AGMO: variants seen among roughly 807,000 people sequenced by gnomAD.
The protein encoded by AGMO is alkylglycerol monooxygenase, also known as glyceryl-ether monooxygenase.
Under a neutral mutation model 60.2 loss-of-function variants are expected in AGMO, and 75 were observed. The observed-to-expected ratio is 1.25, with a 90% CI of 1.03 to 1.51. The LOEUF (loss-of-function observed/expected upper bound fraction) is 1.51. Among genes scored for constraint, AGMO ranks in the 40% most tolerant of loss-of-function variants. The pLI is 0.00. For synonymous variants in AGMO, 261 were observed against 177.1 expected, an observed-to-expected ratio of 1.47 and a Z score of -3.76; for missense variants, 763 against 525.5, an observed-to-expected ratio of 1.45 and a Z score of -4.42.
intron 12 of AGMO, among the ~76,000 whole-genome samples, chr7:15,353,033 G>C (rs544386068): frequency 6.6e-6 from 1 of 152,162 alleles, no homozygotes; most frequent in Admixed American, 6.5e-5. Flanking sequence ...TCAGACGAAA[G>C]GAGGTGAAAC....
At chr7:15,126,134 CA>C in the AGMO span, among the ~76,000 whole-genome samples, 1 of 152,090 alleles carries the variant, frequency 6.6e-6, no homozygotes, top group African/African-American at 2.4e-5. Context: ...ATAGAAACTA[CA>C]CTCAGTTTGA....
chr7:15,125,394 G>A, the AGMO span, among the ~76,000 whole-genome samples: 1 of 152,086 alleles, frequency 6.6e-6, no homozygotes, highest in Admixed American at 6.6e-5. Context: ...CTTCTACTCA[G>A]ACTACTACCA....
chr7:15,156,495 T>C, the AGMO span, among the ~76,000 whole-genome samples: 2 of 152,174 alleles, frequency 1.3e-5, no homozygotes, highest in East Asian at 3.9e-4. Context: ...CTGGGCTTAA[T>C]GCAGGCTGGA....
At chr7:15,153,726 T>G in the AGMO span, among the ~76,000 whole-genome samples, 3 of 152,196 alleles carry the variant, frequency 2.0e-5, no homozygotes, top group Non-Finnish European at 4.4e-5. Flanking sequence ...ACCATGCTGT[T>G]TTGGTGACTA....
intron 12 of AGMO, among the ~76,000 whole-genome samples, chr7:15,252,562 TGAA>T (rs1234302526): frequency 6.6e-6 from 1 of 152,164 alleles, no homozygotes; most frequent in Non-Finnish European, 1.5e-5. Context: ...TCTAATCCTA[TGAA>T]GAACTGAATG....
chr7:15,122,636 A>C, the AGMO span, among the ~76,000 whole-genome samples: 7 of 152,072 alleles, frequency 4.6e-5, no homozygotes, highest in Non-Finnish European at 8.8e-5. Flanking sequence ...TCGCTTGCTC[A>C]AGCCAAAACC....
intron 7 of AGMO, 44 bp downstream of exon 7, chr7:15,390,796 A>G (rs1784106038): frequency 6.3e-7 from 1 of 1,584,642 alleles, no homozygotes; most frequent in Non-Finnish European, 8.6e-7. Flanking sequence ...CCTGTAAAGT[A>G]AAGGAGCTGA....
chr7:15,404,522 C>A (rs1784634042), intron 5 of AGMO, among the ~76,000 whole-genome samples: 1 of 151,822 alleles, frequency 6.6e-6, no homozygotes, highest in African/African-American at 2.4e-5. Context: ...TAGGTTTAAC[C>A]ATCTCAAACT....
chr7:15,125,841 T>A, the AGMO span, among the ~76,000 whole-genome samples: 5 of 152,246 alleles, frequency 3.3e-5, no homozygotes, highest in African/African-American at 1.2e-4. Flanking sequence ...TTTAGACAAA[T>A]TATTTAGTCT....
intron 12 of AGMO, among the ~76,000 whole-genome samples, chr7:15,304,793 T>A (rs1346869072): frequency 6.6e-6 from 1 of 152,054 alleles, no homozygotes; most frequent in Admixed American, 6.6e-5. Flanking sequence ...TGGAAAATGA[T>A]AAGCCTTCCT....
chr7:15,441,670 G>T (rs1298830128), intron 3 of AGMO, among the ~76,000 whole-genome samples: 2 of 152,136 alleles, frequency 1.3e-5, no homozygotes, highest in South Asian at 4.1e-4. Flanking sequence ...CAGCACGTTT[G>T]CCTGCGGTAA....
chr7:15,520,266 A>G (rs1447079294), intron 3 of AGMO, among the ~76,000 whole-genome samples: 1 of 152,130 alleles, frequency 6.6e-6, no homozygotes, highest in East Asian at 1.9e-4. Flanking sequence ...TTAACACCCC[A>G]TTGTCAATAT....
At chr7:15,296,970 T>C (rs190476551) in intron 12 of AGMO, among the ~76,000 whole-genome samples, 2 of 152,166 alleles carry the variant, frequency 1.3e-5, no homozygotes, top group African/African-American at 4.8e-5. Flanking sequence ...CAAATGTACT[T>C]TGAATGTGAA....
chr7:15,476,703 T>C (rs540467930), intron 3 of AGMO, among the ~76,000 whole-genome samples: 2 of 152,238 alleles, frequency 1.3e-5, no homozygotes, highest in East Asian at 3.9e-4. Flanking sequence ...AGTTGTTCGT[T>C]AGATTATGTC....
chr7:15,525,695 G>C (rs562335863), intron 3 of AGMO, among the ~76,000 whole-genome samples: 74 of 152,220 alleles, frequency 4.9e-4, no homozygotes, highest in Non-Finnish European at 8.7e-4. Context: ...CTCTGCCCTT[G>C]ACCGGGTAAG....
At chr7:15,409,683 AAG>A (rs978141513) in intron 5 of AGMO, among the ~76,000 whole-genome samples, 15 of 152,014 alleles carry the variant, frequency 9.9e-5, no homozygotes, top group Admixed American at 8.6e-4. Context: ...TGTGAGAATT[AAG>A]AGAGCAATTT....
At chr7:15,343,058 A>G (rs867979881) in intron 12 of AGMO, among the ~76,000 whole-genome samples, 3 of 152,106 alleles carry the variant, frequency 2.0e-5, no homozygotes, top group African/African-American at 7.2e-5. Context: ...TACAAGTGGA[A>G]AACCTTAAGA....
At chr7:15,267,311 T>C (rs1783462055) in intron 12 of AGMO, among the ~76,000 whole-genome samples, 1 of 151,978 alleles carries the variant, frequency 6.6e-6, no homozygotes, top group African/African-American at 2.4e-5. Context: ...AAATGTTCTA[T>C]ACATTAGTCT....
chr7:15,443,371 G>A (rs1781614454), intron 3 of AGMO, among the ~76,000 whole-genome samples: 1 of 152,150 alleles, frequency 6.6e-6, no homozygotes, highest in Non-Finnish European at 1.5e-5. Flanking sequence ...GAGCAGCAGG[G>A]CACCAAAGAA....
Sources: allele counts gnomAD v4.1 joint callset (sites outside exome capture counted in the v4.1 genomes callset), GRCh38; gene constraint gnomAD v4.1.1; transcripts MANE v1.5; gene names NCBI Gene and HGNC (gene_info 2026-07-23, HGNC 2026-07-21).